ANKRD27: variants seen among roughly 807,000 people sequenced by gnomAD.
ANKRD27 encodes ankyrin repeat domain-containing protein 27.
A neutral mutation model predicts 129.7 loss-of-function variants in ANKRD27; 112 were observed. The observed-to-expected ratio is 0.86, with a 90% confidence interval of 0.74 to 1.01. The LOEUF (loss-of-function observed/expected upper bound fraction) is 1.01, where lower values mean the gene tolerates loss of function less well. Among genes scored for constraint, ANKRD27 ranks in the 50% least tolerant of loss-of-function variants. The pLI is 0.00. For synonymous variants in ANKRD27, 516 were observed against 511.2 expected, an observed-to-expected ratio of 1.01 and a Z score of -0.13; for missense variants, 1,258 against 1,300.5, an observed-to-expected ratio of 0.97 and a Z score of 0.50.
chr19:32,661,082 T>C (rs1186818849), intron 1 of ANKRD27, among the ~76,000 whole-genome samples: 1 of 151,512 alleles, frequency 6.6e-6, no homozygotes, highest in Non-Finnish European at 1.5e-5. Context: ...ATGCCTATAG[T>C]CCCAGGTACT....
At chr19:32,646,645 GCAGCCGGGGCAACCACATCCCACTCT>G (rs1276945372) in intron 3 of ANKRD27, 30 bp from the exon 4 acceptor site, 4 of 1,602,554 alleles carry the variant, frequency 2.5e-6, no homozygotes, top group Non-Finnish European at 3.4e-6. Context: ...CACTGCACCA[GCAGCCGGGGCAACCACATCCCACTCT>G]CAGCCTGGCC....
rs771641456 is a variant in ANKRD27, at chr19:32,622,527, G to A, written c.1722C>T (p.Arg574=). The A allele has an allele frequency of 5.6e-6, 9 of 1,614,090 alleles. No homozygotes were observed. Among genetic ancestry groups the A allele is most frequent in the Non-Finnish European group, 7.6e-6 (9 of 1,180,040 alleles). The change falls in exon 18 of 29, where the codon CGC becomes CGT. Residue 574 remains arginine, a synonymous_variant. Transcript: ENST00000306065. ...TCTCTATGACGCCTTGGTAGCCCCAGCGGGCAGCAATGTGTAGAGGGGTGT... is the reference window on the plus strand; with the variant it reads ...TCTCTATGACGCCTTGGTAGCCCCAACGGGCAGCAATGTGTAGAGGGGTGT... ...KGDTPLHIAA[R]WGYQGVIETL...
intron 2 of ANKRD27, among the ~76,000 whole-genome samples, chr19:32,656,071 G>GAAAAGAAAGA (rs200168921): frequency 3.6e-5 from 1 of 27,588 alleles, no homozygotes; most frequent in Admixed American, 3.8e-4. Context: ...AAGAAAGAAA[G>GAAAAGAAAGA]AAAGAAAGAA....
chr19:32,665,456 A>ATTTTT (rs111572108), intron 1 of ANKRD27, among the ~76,000 whole-genome samples: 2 of 104,252 alleles, frequency 1.9e-5, no homozygotes, highest in East Asian at 2.2e-4. Context: ...CACCAGGCTA[A>ATTTTT]TTTTTGTTTG....
In ANKRD27 at chr19:32,599,722, G is replaced by C; in HGVS notation, c.2901C>G (p.Thr967=). ...AACTTACCTCATGCAAAGAACCTTC[G>C]GTTAAATTAGGGACACTTCTATCTC... ...MARDRSVPNL[T]EGSLHEPGRQ... is the part of the protein sequence containing the mutation. Residue 967 remains threonine (T), a synonymous_variant, in exon 28 of 29, where the codon ACC becomes ACG. Coordinates refer to ENST00000306065, the MANE Select transcript of ANKRD27 (RefSeq NM_032139.3). 6.2e-7 allele frequency: 1 copy of C among 1,613,082 alleles called. No individual in the cohort carries two copies. The highest frequency in any genetic ancestry group is 8.5e-7 in the Non-Finnish European group (1 of 1,179,766).
chr19:32,642,241 A>T, intron 9 of ANKRD27, 96 bp from the exon 10 acceptor site: 1 of 1,235,498 alleles, frequency 8.1e-7, no homozygotes, highest in East Asian at 2.6e-5. Context: ...CACTTCTCAC[A>T]ACAAACCAGA....
intron 1 of ANKRD27, among the ~76,000 whole-genome samples, chr19:32,670,855 G>A (rs1967856178): frequency 6.6e-6 from 1 of 151,768 alleles, no homozygotes; most frequent in Admixed American, 6.6e-5. Flanking sequence ...AGCCAGGCAT[G>A]GGCACCTATA....
intron 12 of ANKRD27, chr19:32,636,593 T>C (rs1967094424): frequency 6.6e-6 from 1 of 151,972 alleles, no homozygotes. Context: ...CTAGTAAGTT[T>C]ATGGGAAGTT....
chr19:32,664,296 G>A (rs942057411), intron 1 of ANKRD27, among the ~76,000 whole-genome samples: 2 of 151,772 alleles, frequency 1.3e-5, no homozygotes, highest in African/African-American at 4.8e-5. Flanking sequence ...TGGGACCACA[G>A]GTATATGTCA....
chr19:32,642,203 TG>T lies in ANKRD27; in HGVS notation c.783-59del. Reference sequence around the variant, plus strand: ...AGCACAGTAAGAGAACCCTCTGGCCTGGATCTAAGAACACATCTCAGGATCT... The same window carrying T: ...AGCACAGTAAGAGAACCCTCTGGCCTGATCTAAGAACACATCTCAGGATCT... On this transcript the variant is annotated intron_variant, in intron 9 of 28. Transcript: ENST00000306065. 4.1e-6 allele frequency: 6 copies of T among 1,455,002 alleles called. No individual in the cohort carries two copies. The South Asian group carries it at 4.5e-5, about 11-fold the overall frequency. 90.1% of individuals were successfully genotyped at this position (1,455,002 alleles called of 1,614,324 possible).
chr19:32,638,224 C>T (rs901008671), intron 12 of ANKRD27: 4 of 152,284 alleles, frequency 2.6e-5, no homozygotes, highest in Admixed American at 2.6e-4. Flanking sequence ...GCACATACTC[C>T]CTCCCTTCTG....
chr19:32,663,127 G>T (rs1190936149), intron 1 of ANKRD27, among the ~76,000 whole-genome samples: 1 of 152,142 alleles, frequency 6.6e-6, no homozygotes, highest in Non-Finnish European at 1.5e-5. Context: ...TTATAAAAGG[G>T]CTTGCGGATT....
chr19:32,631,341 G>A (rs2145287851), intron 13 of ANKRD27, 61 bp downstream of exon 13: 1 of 1,453,770 alleles, frequency 6.9e-7, no homozygotes, highest in East Asian at 2.3e-5. Flanking sequence ...TTTTATAGAG[G>A]CACCAAGAGA....
chr19:32,614,821 G>A (rs185515682), intron 22 of ANKRD27, among the ~76,000 whole-genome samples: 32 of 152,216 alleles, frequency 2.1e-4, no homozygotes, highest in Non-Finnish European at 3.8e-4. Context: ...ACACACACAC[G>A]AGAACAAGCA....
chr19:32,641,925 A>T, intron 10 of ANKRD27, 99 bp downstream of exon 10: 1 of 1,424,854 alleles, frequency 7.0e-7, no homozygotes, highest in South Asian at 1.5e-5. Context: ...GAGCCACTGC[A>T]CCCAGCCCCA....
At chr19:32,662,311 CAAAAAAAAAAAAAAAA>C (rs34066529) in intron 1 of ANKRD27, among the ~76,000 whole-genome samples, 1 of 38,006 alleles carries the variant, frequency 2.6e-5, no homozygotes, top group African/African-American at 1.1e-4. Flanking sequence ...ACTCAGTCTC[CAAAAAAAAAAAAAAAA>C]AAAAAAAAAG....
rs952138129 is a variant in ANKRD27 at position 32,622,593 on chromosome 19, G to T, written c.1656C>A (p.Asp552Glu). Reference protein sequence around the residue: ...EDCVKALVYYDVESCRLDIGN... With the variant: ...EDCVKALVYYEVESCRLDIGN... ...CAATGTCAAGTCTGCACGACTCCAC[G>T]TCGTAGTAAACCAGAGCCTTCACAC... The change falls in exon 18 of 29, where the codon GAC becomes GAA. Residue 552 changes from aspartate (D) to glutamate (E), a missense_variant. Transcript: ENST00000306065. 1 of 1,613,872 alleles carries T rather than the reference G, an allele frequency of 6.2e-7. No individual in the cohort carries two copies. Among genetic ancestry groups the T allele is most frequent in the South Asian group, 1.1e-5 (1 of 91,066 alleles).
intron 21 of ANKRD27, among the ~76,000 whole-genome samples, chr19:32,616,452 C>T (rs1376660867): frequency 4.7e-5 from 7 of 150,216 alleles, no homozygotes; most frequent in African/African-American, 1.7e-4. Flanking sequence ...TCTCAGGAGG[C>T]TGAAGCAGGA....
At chr19:32,635,031 A>G (rs1354621550) in intron 12 of ANKRD27, among the ~76,000 whole-genome samples, 1 of 152,214 alleles carries the variant, frequency 6.6e-6, no homozygotes, top group Non-Finnish European at 1.5e-5. Context: ...AGGAGGTGTG[A>G]GAAGCCGATG....
Sources: allele counts gnomAD v4.1 joint callset (sites outside exome capture counted in the v4.1 genomes callset), GRCh38; gene constraint gnomAD v4.1.1; transcripts MANE v1.5; gene names NCBI Gene and HGNC (gene_info 2026-07-23, HGNC 2026-07-21).